ANKS1A: variants seen among roughly 807,000 people sequenced by gnomAD.
The protein encoded by ANKS1A is ankyrin repeat and SAM domain-containing protein 1A.
A neutral mutation model predicts 120.3 loss-of-function variants in ANKS1A; 55 were observed. The observed-to-expected ratio is 0.46, with a 90% CI of 0.37 to 0.57. ANKS1A has a LOEUF of 0.57. ANKS1A is among the 20% of genes least tolerant of loss of function. The pLI is 0.00. For synonymous variants in ANKS1A, 590 were observed against 604.7 expected (o/e 0.98, Z 0.36); for missense variants, 1,123 against 1,480.3 (o/e 0.76, Z 3.96).
chr6:35,084,589 C>T lies in ANKS1A; in HGVS notation c.3132+331C>T, dbSNP rs1278830915. Among the ~76,000 whole-genome samples the T allele has an allele frequency of 1.3e-5, 2 of 151,796 alleles. No homozygotes were observed. Among genetic ancestry groups the T allele is most frequent in the African/African-American group, 2.4e-5 (1 of 41,300 alleles). ...GCAAGTTACCCACCTCAGCCTCCCA[C>T]GTAACTGGATAATAGGCGTGAGCCA... On this transcript the variant is annotated intron_variant, in intron 21 of 23. Coordinates refer to ENST00000360359, the MANE Select transcript of ANKS1A (RefSeq NM_015245.3). This position sits in a 1 kb window ranked among gnomAD's most constrained non-coding sequence, Gnocchi z 4.8.
At chr6:35,025,721 G>A (rs1472780489) in intron 11 of ANKS1A, among the ~76,000 whole-genome samples, 2 of 151,650 alleles carry the variant, frequency 1.3e-5, no homozygotes, top group East Asian at 3.9e-4. Context: ...TTTTACAGGT[G>A]GAGTTAAGGA....
At chr6:35,072,703 C>T (rs1561956420) in intron 13 of ANKS1A, among the ~76,000 whole-genome samples, 1 of 152,188 alleles carries the variant, frequency 6.6e-6, no homozygotes, top group African/African-American at 2.4e-5. Flanking sequence ...GTCCCTTCCC[C>T]GAGAGGTGGA....
chr6:35,019,408 C>T (rs1774209965), intron 11 of ANKS1A, among the ~76,000 whole-genome samples: 1 of 152,334 alleles, frequency 6.6e-6, no homozygotes, highest in South Asian at 2.1e-4. Flanking sequence ...CAATCCATTT[C>T]CAGTGAAGGA....
chr6:34,951,791 T>G (rs192152635), intron 1 of ANKS1A, among the ~76,000 whole-genome samples: 6 of 152,338 alleles, frequency 3.9e-5, no homozygotes, highest in Admixed American at 1.3e-4. Flanking sequence ...TGTCAGCTAA[T>G]TGGATTTCTG....
intron 1 of ANKS1A, among the ~76,000 whole-genome samples, chr6:34,911,496 C>G (rs1429772461): frequency 6.6e-6 from 1 of 152,048 alleles, no homozygotes; most frequent in Non-Finnish European, 1.5e-5. Context: ...ATTTAGCCAC[C>G]CAGGCCTTCT....
chr6:35,017,322 C>T (rs1057150688), intron 10 of ANKS1A, 151 bp from the exon 11 acceptor site: 4 of 735,224 alleles, frequency 5.4e-6, no homozygotes, highest in Non-Finnish European at 8.7e-6. Context: ...CCTCTCTCTT[C>T]TTCTCTCCTC....
chr6:35,096,308 A>T (rs560989172), downstream of ANKS1A, among the ~76,000 whole-genome samples: 29 of 152,302 alleles, frequency 1.9e-4, no homozygotes, highest in Middle Eastern at 3.4e-3. Flanking sequence ...GGATGATAAA[A>T]GACTTTTTGT....
intron 11 of ANKS1A, among the ~76,000 whole-genome samples, chr6:35,034,483 C>A (rs1003830568): frequency 1.3e-4 from 20 of 152,192 alleles, no homozygotes; most frequent in African/African-American, 4.6e-4. Flanking sequence ...CAAGAAATTA[C>A]AAGATTCCTG....
chr6:35,055,914 C>G (rs1299634243), intron 12 of ANKS1A, among the ~76,000 whole-genome samples: 1 of 152,218 alleles, frequency 6.6e-6, no homozygotes, highest in Non-Finnish European at 1.5e-5. Context: ...GTCAAGCCAT[C>G]TCACACTCTG....
Position 34,889,286 on chromosome 6 carries a change from G to T in ANKS1A, c.-117G>T. The stretch of plus-strand genomic sequence containing the variant: ...GCGCTCGTGGGGAAAAGGCAGGGAG[G>T]GGGTGGTGTCCCCAGCCGGTTTGGG... On this transcript the variant is annotated 5_prime_UTR_variant, in exon 1 of 24. Coordinates refer to ENST00000360359, the MANE Select transcript of ANKS1A (RefSeq NM_015245.3). This position sits in a 1 kb window ranked among gnomAD's most constrained non-coding sequence, Gnocchi z 5.5. 8.3e-6 allele frequency: 10 copies of T among 1,207,090 alleles called. No individual in the cohort carries two copies. Among genetic ancestry groups the T allele is most frequent in the East Asian group, 3.3e-5 (1 of 30,324 alleles). The allele number at this position is 1,207,090 out of a possible 1,614,324, so 74.8% of individuals were successfully genotyped here.
chr6:34,909,698 G>A (rs977176643), intron 1 of ANKS1A, among the ~76,000 whole-genome samples: 5 of 152,196 alleles, frequency 3.3e-5, no homozygotes, highest in African/African-American at 1.2e-4. Flanking sequence ...TGTGATGAGT[G>A]CTATGAAACA....
chr6:35,070,155 A>G (rs1777007488), intron 13 of ANKS1A, among the ~76,000 whole-genome samples: 1 of 151,908 alleles, frequency 6.6e-6, no homozygotes, highest in Admixed American at 6.6e-5. Flanking sequence ...ACCTGGCCCT[A>G]CAGGGGCATC....
At chr6:35,040,951 T>C (rs1775426480) in intron 11 of ANKS1A, among the ~76,000 whole-genome samples, 1 of 152,206 alleles carries the variant, frequency 6.6e-6, no homozygotes, top group Admixed American at 6.5e-5. Flanking sequence ...GGAATAATGT[T>C]TTCCAGTGTC....
rs955831032 is a variant in ANKS1A, at chr6:35,082,882, C to A, written c.2835+66C>A. On this transcript the variant is annotated intron_variant, in intron 18 of 23. Transcript: ENST00000360359. This position sits in a 1 kb window ranked among gnomAD's most constrained non-coding sequence, Gnocchi z 4.1. The stretch of plus-strand genomic sequence containing the variant: ...CTCCTTCTCGGCCAGGCACCTGCGG[C>A]CAAGTCCCAGCAGGGACTCCACAAA... 8 of 1,570,696 alleles carry A rather than the reference C, an allele frequency of 5.1e-6. No individual in the cohort carries two copies. The African/African-American group carries it at 9.5e-5, about 19-fold the overall frequency.
intron 13 of ANKS1A, among the ~76,000 whole-genome samples, chr6:35,072,398 T>C (rs1398323993): frequency 1.3e-5 from 2 of 152,150 alleles, no homozygotes; most frequent in African/African-American, 2.4e-5. Flanking sequence ...ATGGCTTAGG[T>C]TGATGGAAAG....
At chr6:34,934,482 G>C in intron 1 of ANKS1A, among the ~76,000 whole-genome samples, 1 of 152,170 alleles carries the variant, frequency 6.6e-6, no homozygotes, top group East Asian at 1.9e-4. Context: ...GGTGAAATTG[G>C]TTTTTTAGTC....
intron 1 of ANKS1A, among the ~76,000 whole-genome samples, chr6:34,900,182 G>A (rs1186482091): frequency 6.6e-6 from 1 of 152,178 alleles, no homozygotes. Flanking sequence ...AAAGTGACTA[G>A]CCCAGGGCCA....
At chr6:34,896,101 A>C in intron 1 of ANKS1A, among the ~76,000 whole-genome samples, 2 of 137,122 alleles carry the variant, frequency 1.5e-5, no homozygotes, top group African/African-American at 2.8e-5. Context: ...ACAGTGTCTC[A>C]CTCCTTCATC....
intron 5 of ANKS1A, 38 bp from the exon 6 acceptor site, chr6:34,983,075 A>G: frequency 1.3e-6 from 2 of 1,591,678 alleles, no homozygotes; most frequent in Non-Finnish European, 1.7e-6. Flanking sequence ...TGGCTTGAAA[A>G]TGCTCACTCC....
Sources: allele counts gnomAD v4.1 joint callset (sites outside exome capture counted in the v4.1 genomes callset), GRCh38; gene constraint gnomAD v4.1.1; non-coding constraint Gnocchi (gnomAD v3.1); transcripts MANE v1.5; gene names NCBI Gene and HGNC (gene_info 2026-07-23, HGNC 2026-07-21).